CD2AP: variants seen among roughly 807,000 people sequenced by gnomAD.
CD2AP encodes CD2-associated protein.
Under a neutral mutation model 85.1 loss-of-function variants are expected in CD2AP, and 46 were observed. The observed-to-expected ratio is 0.54, with a 90% CI of 0.43 to 0.69. CD2AP has a LOEUF of 0.69. Among genes scored for constraint, CD2AP ranks in the 30% least tolerant of loss-of-function variants. The pLI is 0.00. For missense variants in CD2AP, 769 were observed against 729.5 expected, an observed-to-expected ratio of 1.05 and a Z score of -0.62; for synonymous variants, 255 against 252.9, an observed-to-expected ratio of 1.01 and a Z score of -0.08.
intron 6 of CD2AP, among the ~76,000 whole-genome samples, chr6:47,575,443 G>C (rs1426595014): frequency 6.6e-6 from 1 of 152,116 alleles, no homozygotes; most frequent in African/African-American, 2.4e-5. Context: ...AGTGACTGTA[G>C]TCTCAGGGTT....
intron 1 of CD2AP, among the ~76,000 whole-genome samples, chr6:47,498,837 T>C (rs1454504517): frequency 6.6e-6 from 1 of 152,208 alleles, no homozygotes; most frequent in Non-Finnish European, 1.5e-5. Context: ...GTACAAATCA[T>C]TTTTTTCCTG....
At chr6:47,558,936 A>G (rs777657427) in intron 5 of CD2AP, among the ~76,000 whole-genome samples, 1 of 152,168 alleles carries the variant, frequency 6.6e-6, no homozygotes, top group Non-Finnish European at 1.5e-5. Context: ...GAGTTCGGCT[A>G]TGAATCCATC....
chr6:47,564,753 A>C (rs1767946489), intron 5 of CD2AP, among the ~76,000 whole-genome samples: 1 of 152,136 alleles, frequency 6.6e-6, no homozygotes, highest in African/African-American at 2.4e-5. Flanking sequence ...AACAAAGTGT[A>C]ACAGCCTCTG....
chr6:47,535,213 G>C (rs971908676), intron 3 of CD2AP, among the ~76,000 whole-genome samples: 2 of 152,150 alleles, frequency 1.3e-5, no homozygotes, highest in Non-Finnish European at 2.9e-5. Context: ...CAAGGTCATT[G>C]CCAAGGTCTG....
At chr6:47,619,404 A>G (rs188891452) in intron 17 of CD2AP, among the ~76,000 whole-genome samples, 5 of 152,348 alleles carry the variant, frequency 3.3e-5, no homozygotes, top group African/African-American at 9.6e-5. Flanking sequence ...CTGTTAATTC[A>G]TTCCTTTTTA....
intron 1 of CD2AP, among the ~76,000 whole-genome samples, chr6:47,494,270 A>G (rs898676901): frequency 1.3e-5 from 2 of 152,106 alleles, no homozygotes; most frequent in African/African-American, 4.8e-5. Flanking sequence ...ACATTCCTGT[A>G]GTGTCTTTGT....
chr6:47,515,300 A>G (rs1295208921), intron 2 of CD2AP, among the ~76,000 whole-genome samples: 2 of 152,222 alleles, frequency 1.3e-5, no homozygotes, highest in Non-Finnish European at 2.9e-5. Flanking sequence ...TATTTAATAA[A>G]TTAATCTGAA....
chr6:47,596,437 A>G (rs1482587229), intron 12 of CD2AP, among the ~76,000 whole-genome samples: 1 of 152,042 alleles, frequency 6.6e-6, no homozygotes, highest in East Asian at 1.9e-4. Context: ...CAACCACTTC[A>G]GGCTCTGGTA....
At chr6:47,540,275 T>C (rs886197334) in intron 3 of CD2AP, among the ~76,000 whole-genome samples, 3 of 150,924 alleles carry the variant, frequency 2.0e-5, no homozygotes, top group Non-Finnish European at 4.4e-5. Context: ...ACCTCTCTTC[T>C]TTTTTGTGCT....
chr6:47,533,831 A>G, intron 3 of CD2AP, 76 bp downstream of exon 3: 1 of 1,469,408 alleles, frequency 6.8e-7, no homozygotes, highest in Non-Finnish European at 9.3e-7. Context: ...AAATTAAGAA[A>G]AATTAGTTCA....
intron 3 of CD2AP, among the ~76,000 whole-genome samples, chr6:47,536,374 G>A (rs1359994169): frequency 6.6e-6 from 1 of 151,978 alleles, no homozygotes; most frequent in Non-Finnish European, 1.5e-5. Flanking sequence ...CAAAACCATT[G>A]TATTAACATA....
At chr6:47,546,033 C>G (rs777629761) in intron 4 of CD2AP, among the ~76,000 whole-genome samples, 7 of 151,926 alleles carry the variant, frequency 4.6e-5, no homozygotes, top group Non-Finnish European at 1.0e-4. Context: ...AAAAAGAATT[C>G]AGAAGGTAAG....
Position 47,579,397 on chromosome 6 carries a change from G to A in CD2AP, c.916G>A (p.Ala306Thr). ...IHLISKETGE[A>T]GWWRGELNGK... is the part of the protein sequence containing the mutation. ...TTTTGCTTTTTAGGAGACTGGAGAAGCTGGCTGGTGGAGGGGCGAACTTAA... is the reference window on the plus strand; with the variant it reads ...TTTTGCTTTTTAGGAGACTGGAGAAACTGGCTGGTGGAGGGGCGAACTTAA... The change falls in exon 9 of 18, where the codon GCT becomes ACT. Residue 306 changes from alanine (A) to threonine (T), a missense_variant. By Grantham distance (58) the Ala-to-Thr change is moderately conservative. Coordinates refer to ENST00000359314, the MANE Select transcript of CD2AP (RefSeq NM_012120.3). The A allele has an allele frequency of 1.2e-6, 2 of 1,607,556 alleles. No individual in the cohort carries two copies. Among genetic ancestry groups the A allele is most frequent in the Non-Finnish European group, 1.7e-6 (2 of 1,174,382 alleles).
chr6:47,578,491 A>G (rs536984084), intron 8 of CD2AP, among the ~76,000 whole-genome samples: 4 of 152,300 alleles, frequency 2.6e-5, no homozygotes, highest in Admixed American at 2.6e-4. Flanking sequence ...GGGATTACAA[A>G]GCATGAACCA....
intron 6 of CD2AP, among the ~76,000 whole-genome samples, chr6:47,574,922 T>G (rs1768264792): frequency 6.6e-6 from 1 of 152,204 alleles, no homozygotes; most frequent in Non-Finnish European, 1.5e-5. Context: ...CAGTCCTATC[T>G]CTTTAACTCT....
intron 2 of CD2AP, among the ~76,000 whole-genome samples, chr6:47,510,847 G>A (rs1411318714): frequency 6.6e-6 from 1 of 151,958 alleles, no homozygotes; most frequent in Non-Finnish European, 1.5e-5. Flanking sequence ...GGCCGAGGTG[G>A]GCAGATTACG....
At chr6:47,533,489 ATAT>A (rs1562019877) in intron 2 of CD2AP, 110 bp from the exon 3 acceptor site, 1 of 998,274 alleles carries the variant, frequency 1.0e-6, no homozygotes. Context: ...GAAACTATTG[ATAT>A]TATGATTTAT....
intron 5 of CD2AP, among the ~76,000 whole-genome samples, chr6:47,565,553 A>G (rs1193407240): frequency 6.6e-6 from 1 of 152,026 alleles, no homozygotes; most frequent in East Asian, 1.9e-4. Flanking sequence ...CTTAAACCTA[A>G]GATGCCCAAA....
chr6:47,551,421 A>G (rs1282786895), intron 4 of CD2AP, among the ~76,000 whole-genome samples: 1 of 152,050 alleles, frequency 6.6e-6, no homozygotes, highest in African/African-American at 2.4e-5. Flanking sequence ...GTTCTATTTT[A>G]TTTTCACTTG....
Sources: allele counts gnomAD v4.1 joint callset (sites outside exome capture counted in the v4.1 genomes callset), GRCh38; gene constraint gnomAD v4.1.1; transcripts MANE v1.5; gene names NCBI Gene and HGNC (gene_info 2026-07-23, HGNC 2026-07-21).